The following LAMA4 variants were observed in gnomAD, a reference collection of about 807,000 sequenced individuals.
LAMA4 encodes the protein laminin subunit alpha 4, also known as laminin subunit alpha-4.
A neutral mutation model predicts 207.1 loss-of-function variants in LAMA4; 127 were observed. The observed-to-expected ratio is 0.61, with a 90% CI of 0.53 to 0.71. The LOEUF (loss-of-function observed/expected upper bound fraction) is 0.71, where lower values mean the gene tolerates loss of function less well. Ranked by LOEUF, LAMA4 falls within the 30% of genes least tolerant of loss-of-function variation. The pLI is 0.00. For missense variants in LAMA4, 2,093 were observed against 2,246.5 expected (o/e 0.93, Z 1.38); for synonymous variants, 761 against 816.0 (o/e 0.93, Z 1.15).
At chr6:112,113,503 T>C (rs1554322171) in intron 38 of LAMA4, among the ~76,000 whole-genome samples, 1 of 152,212 alleles carries the variant, frequency 6.6e-6, no homozygotes, top group Admixed American at 6.5e-5. Flanking sequence ...TCCATAAGTG[T>C]CCTGTCACCA....
intron 30 of LAMA4, 82 bp downstream of exon 30, chr6:112,129,794 A>G (rs1032922725): frequency 1.8e-6 from 2 of 1,101,376 alleles, no homozygotes; most frequent in Non-Finnish European, 2.7e-6. Flanking sequence ...TACATTTCAT[A>G]GTTCTCAGTT....
At chr6:112,218,048 T>C (rs1784726464) in intron 2 of LAMA4, 1 of 152,202 alleles carries the variant, frequency 6.6e-6, no homozygotes, top group Non-Finnish European at 1.5e-5. Flanking sequence ...AAAGTAATAA[T>C]GTACCTAAAA....
chr6:112,119,407 CTG>C (rs1778216152), intron 33 of LAMA4, 96 bp from the exon 34 acceptor site: 7 of 1,316,126 alleles, frequency 5.3e-6, no homozygotes, highest in Non-Finnish European at 5.4e-6. Context: ...TATTGCAATG[CTG>C]TGGGAAATCT....
intron 9 of LAMA4, among the ~76,000 whole-genome samples, chr6:112,181,174 A>C (rs1782335496): frequency 1.3e-5 from 2 of 152,108 alleles, no homozygotes; most frequent in Admixed American, 1.3e-4. Context: ...ATTCTTTTCA[A>C]ATGAAGGCAA....
At chr6:112,235,444 TG>T (rs1374036383) in intron 2 of LAMA4, among the ~76,000 whole-genome samples, 3 of 152,144 alleles carry the variant, frequency 2.0e-5, no homozygotes, top group Non-Finnish European at 4.4e-5. Flanking sequence ...GACAAGGTCA[TG>T]GAGGGGTACA....
At chr6:112,226,233 T>G (rs1416538575) in intron 2 of LAMA4, among the ~76,000 whole-genome samples, 1 of 152,354 alleles carries the variant, frequency 6.6e-6, no homozygotes, top group East Asian at 1.9e-4. Flanking sequence ...TTTTCTACTT[T>G]GAACCTCTCA....
intron 38 of LAMA4, among the ~76,000 whole-genome samples, chr6:112,112,507 G>C (rs1404882717): frequency 6.6e-6 from 1 of 152,220 alleles, no homozygotes; most frequent in Non-Finnish European, 1.5e-5. Context: ...GATTTCTGGA[G>C]GGAAGCAATG....
rs1016716166 is a variant in LAMA4 at position 112,207,411 on chromosome 6, G to C, written c.298-266C>G. Reference sequence around the variant, plus strand: ...GACTCTAGAGTTTGTGTGCAGAGGAGATTATTCATCAGTTACTTATTTCAG... The same window carrying C: ...GACTCTAGAGTTTGTGTGCAGAGGACATTATTCATCAGTTACTTATTTCAG... On this transcript the variant is annotated intron_variant, in intron 3 of 38. Transcript: ENST00000230538. Among the ~76,000 whole-genome samples, 3 of 152,146 alleles carry C rather than the reference G, an allele frequency of 2.0e-5. No individual in the cohort carries two copies. In the East Asian group the frequency reaches 5.8e-4, roughly 29 times the overall value.
chr6:112,141,514 A>C lies in LAMA4; in HGVS notation c.2668-11T>G. The stretch of plus-strand genomic sequence containing the variant: ...ATACTCTTTTTTGGCCTGAAATATC[A>C]AGAAGTAAGAAGTCATTTAAATAAA... On this transcript the variant is annotated splice_polypyrimidine_tract_variant and intron_variant, in intron 20 of 38. Coordinates refer to ENST00000230538, the MANE Select transcript of LAMA4 (RefSeq NM_001105206.3). 1.9e-6 allele frequency: 3 copies of C among 1,552,850 alleles called. No individual in the cohort carries two copies. Among genetic ancestry groups the C allele is most frequent in the Non-Finnish European group, 2.7e-6 (3 of 1,124,276 alleles).
At chr6:112,227,952 A>G (rs1785316227) in intron 2 of LAMA4, among the ~76,000 whole-genome samples, 1 of 152,222 alleles carries the variant, frequency 6.6e-6, no homozygotes, top group African/African-American at 2.4e-5. Context: ...GAGGTAAAAG[A>G]TCCTCAAAAT....
intron 2 of LAMA4, among the ~76,000 whole-genome samples, chr6:112,221,717 G>C (rs919853648): frequency 1.3e-5 from 2 of 152,074 alleles, no homozygotes; most frequent in Non-Finnish European, 2.9e-5. Flanking sequence ...AGCTAAAACT[G>C]TGTGCCCTTA....
intron 19 of LAMA4, among the ~76,000 whole-genome samples, chr6:112,143,284 C>CT (rs61620762): frequency 0.013 from 1,681 of 124,838 alleles, 30 homozygotes; most frequent in African/African-American, 0.028. Context: ...AAAACTAATA[C>CT]TTTTTTTTTT....
rs1780896737 is a variant in LAMA4 at position 112,159,046 on chromosome 6, C to T, written c.1669-166G>A. On this transcript the variant is annotated intron_variant, in intron 13 of 38. Coordinates refer to ENST00000230538, the MANE Select transcript of LAMA4 (RefSeq NM_001105206.3). ...TGTAAGTATATGTCTATTTATCCCG[C>T]ATTGCCAGCTCTTTCTTCTGTATTG... 3 of 605,090 alleles carry T rather than the reference C, an allele frequency of 5.0e-6. No homozygotes were observed. In the East Asian group the frequency reaches 8.5e-5, roughly 17 times the overall value. The allele number at this position is 605,090 out of a possible 1,614,324, so 37.5% of individuals were successfully genotyped here.
At chr6:112,213,232 T>C (rs1583908143) in intron 3 of LAMA4, among the ~76,000 whole-genome samples, 2 of 152,356 alleles carry the variant, frequency 1.3e-5, no homozygotes, top group Middle Eastern at 3.4e-3. Context: ...ACCCATTCTT[T>C]AGATGGTAAC....
rs782571319 is a variant in LAMA4, at chr6:112,132,763, T to G, written c.3824A>C (p.Tyr1275Ser). ...TLQPNGLLFY[Y>S]ASGSDVFSIS... ...AAAACAAACACTTACCCCTGAAGCA[T>G]AATAGAATAGTAACCCATTTGGTTG... The change falls in exon 28 of 39, where the codon TAT becomes TCT. Residue 1275 changes from tyrosine to serine, a missense_variant. Physicochemically the swap from Tyr to Ser is moderately radical, Grantham distance 144. Coordinates refer to ENST00000230538, the MANE Select transcript of LAMA4 (RefSeq NM_001105206.3). The G allele has an allele frequency of 6.2e-7, 1 of 1,612,886 alleles. No individual in the cohort carries two copies.
chr6:112,115,726 A>G (rs1410384312), intron 36 of LAMA4, 137 bp downstream of exon 36: 1 of 970,410 alleles, frequency 1.0e-6, no homozygotes, highest in Non-Finnish European at 1.6e-6. Context: ...GCCCACATTT[A>G]CATTTCATGT....
intron 17 of LAMA4, among the ~76,000 whole-genome samples, chr6:112,150,222 CACACACACACACAG>C (rs1183493286): frequency 1.3e-4 from 19 of 149,620 alleles, no homozygotes; most frequent in African/African-American, 4.3e-4. Flanking sequence ...CACACACACA[CACACACACACACAG>C]ACACACACAG....
chr6:112,197,916 A>T (rs565619750), intron 5 of LAMA4, among the ~76,000 whole-genome samples: 1 of 152,356 alleles, frequency 6.6e-6, no homozygotes, highest in South Asian at 2.1e-4. Flanking sequence ...GACACAGCAG[A>T]AAGTCCAGAA....
intron 17 of LAMA4, among the ~76,000 whole-genome samples, chr6:112,150,268 G>C (rs1182529134): frequency 1.3e-5 from 2 of 150,606 alleles, no homozygotes; most frequent in Non-Finnish European, 3.0e-5. Flanking sequence ...CAGAGGCAAT[G>C]CTGGAAAAAA....
Sources: gnomAD v4.1 joint callset for allele counts (sites outside exome capture counted in the v4.1 genomes callset) on GRCh38, gnomAD v4.1.1 for gene constraint, MANE v1.5 for transcripts, NCBI Gene and HGNC (gene_info 2026-07-23, HGNC 2026-07-21) for gene names.